FBXO31: variants seen among roughly 807,000 people sequenced by gnomAD.
FBXO31 encodes F-box only protein 31.
Under a neutral mutation model 54.4 loss-of-function variants are expected in FBXO31, and 24 were observed. That is an observed-to-expected ratio of 0.44 (90% CI 0.32 to 0.62). The LOEUF (loss-of-function observed/expected upper bound fraction) is 0.62. FBXO31 is among the 20% of genes least tolerant of loss of function. The pLI is 0.05. For missense variants in FBXO31, 665 were observed against 787.1 expected (o/e 0.84, Z 1.86); for synonymous variants, 388 against 335.6 (o/e 1.16, Z -1.71).
chr16:87,365,008 T>C (rs1330968022), intron 1 of FBXO31, among the ~76,000 whole-genome samples: 2 of 58,512 alleles, frequency 3.4e-5, no homozygotes, highest in Non-Finnish European at 7.1e-5. Flanking sequence ...CCCCGTCTCT[T>C]AAATATATAT....
intron 7 of FBXO31, 85 bp from the exon 8 acceptor site, chr16:87,334,371 G>A: frequency 7.6e-7 from 1 of 1,309,940 alleles, no homozygotes; most frequent in Non-Finnish European, 1.0e-6. Context: ...ATCCACCTCT[G>A]GCTGAGCGAG....
intron 2 of FBXO31, among the ~76,000 whole-genome samples, chr16:87,347,959 G>A (rs1905467833): frequency 6.6e-6 from 1 of 152,198 alleles, no homozygotes; most frequent in African/African-American, 2.4e-5. Context: ...TGAAGGCCCA[G>A]GACACAACTT....
Position 87,334,125 on chromosome 16 carries a change from G to A in FBXO31, c.1158C>T (p.His386=), listed in dbSNP as rs780548909. The A allele has an allele frequency of 1.4e-5, 23 of 1,611,328 alleles. No homozygotes were observed. Among genetic ancestry groups the A allele is most frequent in the South Asian group, 1.1e-4 (10 of 90,986 alleles). The part of the protein sequence containing the change: ...RVRQEQQEGG[H]EAGEGRGRQG... Reference sequence around the variant, plus strand: ...GCCGGCCACGACCCTCGCCCGCCTCGTGCCCGCCTTCCTGCTGCTCCTGGC... The same window carrying A: ...GCCGGCCACGACCCTCGCCCGCCTCATGCCCGCCTTCCTGCTGCTCCTGGC... The change falls in exon 8 of 9, where the codon CAC becomes CAT. Residue 386 remains histidine, a synonymous_variant. Transcript: ENST00000311635.
intron 2 of FBXO31, among the ~76,000 whole-genome samples, chr16:87,350,889 C>G (rs1376434288): frequency 1.3e-5 from 2 of 152,172 alleles, no homozygotes; most frequent in African/African-American, 4.8e-5. Context: ...AAATAAAAAC[C>G]CAGCAGCCTG....
chr16:87,360,721 T>C (rs1260000033), intron 1 of FBXO31, among the ~76,000 whole-genome samples: 1 of 152,222 alleles, frequency 6.6e-6, no homozygotes, highest in African/African-American at 2.4e-5. Context: ...CATGTTTCCA[T>C]GGAAACAAAT....
At chr16:87,342,783 G>A in intron 5 of FBXO31, 94 bp downstream of exon 5, 1 of 1,063,254 alleles carries the variant, frequency 9.4e-7, no homozygotes, top group Non-Finnish European at 1.3e-6. Context: ...CAGGTCGCAT[G>A]CTGCTGACTT....
chr16:87,355,586 A>C (rs890435782), intron 2 of FBXO31, among the ~76,000 whole-genome samples: 1 of 152,210 alleles, frequency 6.6e-6, no homozygotes, highest in African/African-American at 2.4e-5. Context: ...TAAATTTTTC[A>C]AGTTTTCTAC....
chr16:87,377,134 T>C (rs184357529), intron 1 of FBXO31, among the ~76,000 whole-genome samples: 1 of 152,230 alleles, frequency 6.6e-6, no homozygotes, highest in South Asian at 2.1e-4. Flanking sequence ...GTTTGAAATC[T>C]ATAATTTTGA....
At chr16:87,376,767 C>T (rs149580530) in intron 1 of FBXO31, among the ~76,000 whole-genome samples, 140 of 152,342 alleles carry the variant, frequency 9.2e-4, no homozygotes, top group Middle Eastern at 3.4e-3. Context: ...ACCTCCCAGG[C>T]AGCCCAAGCT....
chr16:87,361,097 G>A (rs929621389), intron 1 of FBXO31, among the ~76,000 whole-genome samples: 1 of 152,174 alleles, frequency 6.6e-6, no homozygotes. Flanking sequence ...AGACCGCCAG[G>A]GACTAATCCA....
At chr16:87,344,666 C>T (rs1463178943) in intron 3 of FBXO31, among the ~76,000 whole-genome samples, 1 of 151,968 alleles carries the variant, frequency 6.6e-6, no homozygotes, top group Non-Finnish European at 1.5e-5. Context: ...CTATTACTCA[C>T]TGCCAGTAAG....
chr16:87,344,389 G>A (rs564715451), intron 3 of FBXO31, among the ~76,000 whole-genome samples: 8 of 152,342 alleles, frequency 5.3e-5, no homozygotes, highest in Admixed American at 2.6e-4. Flanking sequence ...GTGTCCGGGC[G>A]CCGATCGTGC....
Position 87,338,996 on chromosome 16 carries a change from CTCTT to C in FBXO31, c.733-2736_733-2733del, listed in dbSNP as rs747329568. ...AGGGGAGTTCCCCTGCACAAGTTCT[CTCTT>C]TTTTTGCCTGCCGCCATGTAAGATG... On this transcript the variant is annotated intron_variant, in intron 5 of 8. Coordinates refer to ENST00000311635, the MANE Select transcript of FBXO31 (RefSeq NM_024735.5). The surrounding 1 kb of genome is among the most constrained non-coding windows in gnomAD (Gnocchi z 4.3). Among the ~76,000 whole-genome samples the C allele has an allele frequency of 1.3e-5, 2 of 152,196 alleles. No homozygotes were observed. Among genetic ancestry groups the C allele is most frequent in the Non-Finnish European group, 2.9e-5 (2 of 68,034 alleles).
At chr16:87,350,997 C>T (rs1027122732) in intron 2 of FBXO31, among the ~76,000 whole-genome samples, 2 of 152,196 alleles carry the variant, frequency 1.3e-5, no homozygotes, top group Admixed American at 1.3e-4. Context: ...AAGCAACGGC[C>T]GCTGCTGACC....
intron 8 of FBXO31, among the ~76,000 whole-genome samples, chr16:87,333,386 C>G (rs982251445): frequency 1.3e-5 from 2 of 152,192 alleles, no homozygotes. Context: ...AAAGCAGGAC[C>G]CACATCTGAA....
At chr16:87,343,084 C>G in intron 4 of FBXO31, 133 bp from the exon 5 acceptor site, 1 of 678,304 alleles carries the variant, frequency 1.5e-6, no homozygotes, top group South Asian at 1.9e-5. Context: ...ACCCAAGATG[C>G]GACCAACGCG....
In FBXO31 at chr16:87,346,145, T is replaced by C. The variant is rs1241725613; in HGVS notation, c.489+1029A>G. ...CTGGGCCCTACAGAGGGTTGTGTCC[T>C]GGGAAGGAGAGAGACCCGGAATGAG... On this transcript the variant is annotated intron_variant, in intron 3 of 8. Coordinates refer to ENST00000311635, the MANE Select transcript of FBXO31 (RefSeq NM_024735.5). The surrounding 1 kb of genome is among the most constrained non-coding windows in gnomAD (Gnocchi z 4.2). 1.3e-5 allele frequency among the ~76,000 whole-genome samples: 2 copies of C among 152,180 alleles called. No homozygotes were observed. Among genetic ancestry groups the C allele is most frequent in the African/African-American group, 2.4e-5 (1 of 41,458 alleles).
upstream of FBXO31, among the ~76,000 whole-genome samples, chr16:87,386,686 G>A (rs949656665): frequency 6.6e-6 from 1 of 152,106 alleles, no homozygotes; most frequent in Non-Finnish European, 1.5e-5. Flanking sequence ...CACCCACCTC[G>A]GCATCCCAAA....
chr16:87,383,302 TG>T lies in FBXO31; in HGVS notation c.340+102del. On this transcript the variant is annotated intron_variant, in intron 1 of 8. Transcript: ENST00000311635. The surrounding 1 kb of genome is among the most constrained non-coding windows in gnomAD (Gnocchi z 4.9). ...ATCGCCGGGCCCCGCGCCCAACTGG[TG>T]GCCCCCGGCCGGGGCCACCGCCCCC... The T allele has an allele frequency of 9.0e-7, 1 of 1,116,522 alleles. No homozygotes were observed. The highest frequency in any genetic ancestry group is 1.2e-6 in the Non-Finnish European group (1 of 829,980). 69.2% of individuals were successfully genotyped at this position (1,116,522 alleles called of 1,614,324 possible).
Sources: allele counts gnomAD v4.1 joint callset (sites outside exome capture counted in the v4.1 genomes callset), GRCh38; gene constraint gnomAD v4.1.1; non-coding constraint Gnocchi (gnomAD v3.1); transcripts MANE v1.5; gene names NCBI Gene and HGNC (gene_info 2026-07-23, HGNC 2026-07-21).